Variants in PRDM6 observed in about 807,000 individuals in gnomAD.
The protein encoded by PRDM6 is putative histone-lysine N-methyltransferase PRDM6.
PRDM6 carries 25 observed loss-of-function variants against 60.8 expected under a neutral mutation model. The ratio of observed to expected loss-of-function variants is 0.41; its 90% CI spans 0.30 to 0.57. PRDM6 has a LOEUF of 0.57. Among genes scored for constraint, PRDM6 ranks in the 20% least tolerant of loss-of-function variants. The pLI, the probability that PRDM6 is intolerant of heterozygous loss-of-function variation, is 0.27. For synonymous variants in PRDM6, 407 were observed against 357.4 expected (o/e 1.14, Z -1.57); for missense variants, 839 against 821.3 (o/e 1.02, Z -0.26).
At chr5:123,093,406 G>A (rs1407712284) in intron 2 of PRDM6, among the ~76,000 whole-genome samples, 1 of 152,136 alleles carries the variant, frequency 6.6e-6, no homozygotes, top group African/African-American at 2.4e-5. Context: ...GGCATCTATG[G>A]TAAATGTCAC....
At chr5:123,153,993 A>G in intron 3 of PRDM6, among the ~76,000 whole-genome samples, 1 of 152,176 alleles carries the variant, frequency 6.6e-6, no homozygotes, top group East Asian at 1.9e-4. Flanking sequence ...TTCTTACTCC[A>G]TCAAAGATTA....
chr5:123,185,720 C>T (rs193092645), intron 7 of PRDM6, among the ~76,000 whole-genome samples: 2 of 152,346 alleles, frequency 1.3e-5, no homozygotes, highest in Admixed American at 6.5e-5. Context: ...CGAAGTGAAG[C>T]TCCTGCCTCC....
chr5:123,098,893 G>A (rs899770639), intron 2 of PRDM6, among the ~76,000 whole-genome samples: 1 of 145,324 alleles, frequency 6.9e-6, no homozygotes, highest in South Asian at 2.3e-4. Flanking sequence ...GGTCGCTTGA[G>A]GGACCCCATT....
intron 3 of PRDM6, among the ~76,000 whole-genome samples, chr5:123,111,615 G>A (rs572380947): frequency 1.3e-5 from 2 of 151,970 alleles, no homozygotes; most frequent in African/African-American, 4.8e-5. Flanking sequence ...GGAGAATGGC[G>A]TGAACCCGGG....
At chr5:123,170,606 GT>G (rs1366115017) in intron 5 of PRDM6, among the ~76,000 whole-genome samples, 159 bp from the exon 6 acceptor site, 4 of 152,214 alleles carry the variant, frequency 2.6e-5, no homozygotes, top group Admixed American at 6.5e-5. Context: ...TGTGATAATA[GT>G]TTTTTCCCCT....
chr5:123,153,608 C>T (rs1765423259), intron 3 of PRDM6, among the ~76,000 whole-genome samples: 1 of 152,168 alleles, frequency 6.6e-6, no homozygotes, highest in Admixed American at 6.5e-5. Context: ...AAAAGCCTGA[C>T]AAATAGCCTT....
intron 3 of PRDM6, among the ~76,000 whole-genome samples, chr5:123,149,185 A>G (rs1765319704): frequency 6.6e-6 from 1 of 152,216 alleles, no homozygotes; most frequent in African/African-American, 2.4e-5. Context: ...TTTATTTGAA[A>G]GTTTAAAACC....
chr5:123,107,694 A>C (rs1198339393), intron 3 of PRDM6, among the ~76,000 whole-genome samples: 1 of 152,258 alleles, frequency 6.6e-6, no homozygotes, highest in Non-Finnish European at 1.5e-5. Flanking sequence ...ATTGTTTAAC[A>C]CAGTGTTGGG....
At chr5:123,113,308 C>A (rs1302210101) in intron 3 of PRDM6, among the ~76,000 whole-genome samples, 1 of 152,204 alleles carries the variant, frequency 6.6e-6, no homozygotes, top group Non-Finnish European at 1.5e-5. Flanking sequence ...ATATTCCCAG[C>A]AGCCAAGAAT....
At position 123,190,207 on chromosome 5, in the gene PRDM6, A is replaced by G. The variant is rs549175847; in HGVS notation, c.*3006A>G. ...ATAAAATAATAATAATTTTTTCAGA[A>G]TAAGACTTTTCATCCTAGCGTATGT... On this transcript the variant is annotated 3_prime_UTR_variant, in exon 8 of 8. Coordinates refer to ENST00000407847, the MANE Select transcript of PRDM6 (RefSeq NM_001136239.4). 3 of 152,306 alleles carry G rather than the reference A, an allele frequency of 2.0e-5. No homozygotes were observed. The highest frequency in any genetic ancestry group is 1.3e-4 in the Admixed American group (2 of 15,294). The allele number at this position is 152,306 out of a possible 1,614,324, so 9.4% of individuals were successfully genotyped here.
chr5:123,162,177 AC>A (rs1765649274), intron 5 of PRDM6, among the ~76,000 whole-genome samples: 3 of 152,098 alleles, frequency 2.0e-5, no homozygotes, highest in Admixed American at 2.0e-4. Context: ...TGCATTTCTT[AC>A]CCTCGATCTG....
intron 7 of PRDM6, among the ~76,000 whole-genome samples, chr5:123,184,601 G>T (rs1766241503): frequency 6.6e-6 from 1 of 152,122 alleles, no homozygotes; most frequent in Non-Finnish European, 1.5e-5. Context: ...AGTCATCAGG[G>T]ACTGTAATTC....
At chr5:123,156,348 A>G (rs1320160157) in intron 4 of PRDM6, among the ~76,000 whole-genome samples, 2 of 152,176 alleles carry the variant, frequency 1.3e-5, no homozygotes, top group Admixed American at 6.5e-5. Context: ...GTCTTCACAC[A>G]GATAAGTAGA....
At chr5:123,171,159 G>A in intron 6 of PRDM6, 51 bp downstream of exon 6, 1 of 1,426,438 alleles carries the variant, frequency 7.0e-7, no homozygotes. Flanking sequence ...GAGACCCACT[G>A]CTTGCCTTCC....
At chr5:123,155,225 A>G (rs1765465059) in intron 3 of PRDM6, among the ~76,000 whole-genome samples, 1 of 150,254 alleles carries the variant, frequency 6.7e-6, no homozygotes, top group Non-Finnish European at 1.5e-5. Context: ...TTCATAGGAG[A>G]CAGCCATTTT....
Position 123,184,949 on chromosome 5 carries a change from G to C in PRDM6, c.1674-2138G>C, listed in dbSNP as rs575097244. 3.9e-5 allele frequency among the ~76,000 whole-genome samples: 6 copies of C among 152,120 alleles called. No individual in the cohort carries two copies. In the South Asian group the frequency reaches 6.2e-4, roughly 16 times the overall value. On this transcript the variant is annotated intron_variant, in intron 7 of 7. Transcript: ENST00000407847. ...TTTGCTTGTATTTTTACTCACACTT[G>C]GTGTGCAGATGGCTCTAGAAATGAT...
intron 2 of PRDM6, among the ~76,000 whole-genome samples, chr5:123,098,944 C>T (rs1344405950): frequency 6.6e-6 from 1 of 151,714 alleles, no homozygotes; most frequent in Non-Finnish European, 1.5e-5. Flanking sequence ...GGCTCCTGCT[C>T]TACCGGGCTG....
intron 3 of PRDM6, among the ~76,000 whole-genome samples, chr5:123,134,951 A>G (rs1356175799): frequency 6.6e-6 from 1 of 152,048 alleles, no homozygotes; most frequent in African/African-American, 2.4e-5. Flanking sequence ...AATAAGGACA[A>G]CCAGATCTTA....
chr5:123,157,638 T>C lies in PRDM6; in HGVS notation c.1028+1627T>C, dbSNP rs191163009. On this transcript the variant is annotated intron_variant, in intron 4 of 7. Transcript: ENST00000407847. ...AAAGCCCAATTTTAAAAACTGGCAT[T>C]CATCACCAGTGACCACGTCCAAGAG... Among the ~76,000 whole-genome samples the C allele has an allele frequency of 6.0e-4, 92 of 152,324 alleles. 1 individual carries two copies. The highest frequency in any genetic ancestry group is 1.9e-3 in the African/African-American group (79 of 41,566).
Sources: gnomAD v4.1 joint callset for allele counts (sites outside exome capture counted in the v4.1 genomes callset) on GRCh38, gnomAD v4.1.1 for gene constraint, MANE v1.5 for transcripts, NCBI Gene and HGNC (gene_info 2026-07-23, HGNC 2026-07-21) for gene names.